Variants in DNLZ observed in about 807,000 individuals in gnomAD.
DNLZ encodes the protein DNL-type zinc finger protein.
A neutral mutation model predicts 7.8 loss-of-function variants in DNLZ; 15 were observed. That is an observed-to-expected ratio of 1.91 (90% CI 1.28 to 2.95). The LOEUF is 2.95. Ranked by LOEUF, DNLZ falls within the 30% of genes most tolerant of loss-of-function variation. The pLI is 0.00. For synonymous variants in DNLZ, 123 were observed against 77.8 expected (o/e 1.58, Z -3.05); for missense variants, 255 against 167.3 (o/e 1.52, Z -2.89).
rs1564364533 is a variant in DNLZ, at chr9:136,363,136, G to GACCCGCA, written c.229-9_229-8insTGCGGGT. 4 of 1,612,730 alleles carry GACCCGCA rather than the reference G, an allele frequency of 2.5e-6. No homozygotes were observed. The highest frequency in any genetic ancestry group is 2.7e-5 in the African/African-American group (2 of 74,924). On this transcript the variant is annotated splice_polypyrimidine_tract_variant and intron_variant, in intron 1 of 2. Transcript: ENST00000371738. ...GGACCTAGTCCCGCAGACCTGGCTG[G>GACCCGCA]GACAGGGTAGCTGGTGAGGCTGTGA...
At chr9:136,363,404 A>G (rs1833021449) in intron 1 of DNLZ, 83 bp downstream of exon 1, 1 of 755,968 alleles carries the variant, frequency 1.3e-6, no homozygotes, top group South Asian at 1.4e-5. Flanking sequence ...CGCCTCCCGG[A>G]TCCCCGGCGG....
Position 136,361,920 on chromosome 9 carries a change from T to C in DNLZ, c.*92A>G. On this transcript the variant is annotated 3_prime_UTR_variant, in exon 3 of 3. Transcript: ENST00000371738. Reference sequence around the variant, plus strand: ...CCAGCATCTGGAAGTAATGTCTGTTTATTGATAGAAAACAGGCCACGTCCA... The same window carrying C: ...CCAGCATCTGGAAGTAATGTCTGTTCATTGATAGAAAACAGGCCACGTCCA... The C allele has an allele frequency of 1.0e-6, 1 of 985,244 alleles. No homozygotes were observed. Among genetic ancestry groups the C allele is most frequent in the Non-Finnish European group, 1.3e-6 (1 of 756,964 alleles). The allele number at this position is 985,244 out of a possible 1,614,324, so 61.0% of individuals were successfully genotyped here.
At chr9:136,362,723 G>A (rs1588716861) in intron 2 of DNLZ, among the ~76,000 whole-genome samples, 1 of 152,266 alleles carries the variant, frequency 6.6e-6, no homozygotes, top group South Asian at 2.1e-4. Context: ...AGTGATGGCA[G>A]AGGGCAGGCA....
At position 136,359,660 on chromosome 9, in the gene DNLZ, T is replaced by C. The variant is rs1042249311; in HGVS notation, c.*2352A>G. 2 of 152,376 alleles carry C rather than the reference T, an allele frequency of 1.3e-5. No homozygotes were observed. The highest frequency in any genetic ancestry group is 4.8e-5 in the African/African-American group (2 of 41,436). 9.4% of individuals were successfully genotyped at this position (152,376 alleles called of 1,614,324 possible). On this transcript the variant is annotated 3_prime_UTR_variant, in exon 3 of 3. Transcript: ENST00000371738. The stretch of plus-strand genomic sequence containing the variant: ...CCTAACCCGGTAAGAGGCTGCACTG[T>C]GCAAAGTGTCCACAGATACCCACTG...
chr9:136,362,933 G>A (rs1479810224), intron 2 of DNLZ, 56 bp downstream of exon 2: 1 of 1,569,470 alleles, frequency 6.4e-7, no homozygotes, highest in South Asian at 1.1e-5. Context: ...TTCCCCCAGG[G>A]AGGCCAGGGT....
chr9:136,362,872 G>C, intron 2 of DNLZ, 117 bp downstream of exon 2: 2 of 886,398 alleles, frequency 2.3e-6, no homozygotes, highest in Non-Finnish European at 3.6e-6. Flanking sequence ...GTATTGATAA[G>C]GTGGCTGGAT....
intron 1 of DNLZ, 156 bp from the exon 2 acceptor site, chr9:136,363,284 C>A: frequency 1.2e-6 from 1 of 817,318 alleles, no homozygotes; most frequent in Non-Finnish European, 1.9e-6. Context: ...TCGCCCTCTC[C>A]CGGGAAGGCC....
Position 136,361,998 on chromosome 9 carries a change from G to C in DNLZ, c.*14C>G. On this transcript the variant is annotated 3_prime_UTR_variant, in exon 3 of 3. Coordinates refer to ENST00000371738, the MANE Select transcript of DNLZ (RefSeq NM_001080849.3). ...TGGAAGGCCGAAGTCCCACAGTGCC[G>C]GGGAGCGCAGGAGTCAGCTCGGCTC... The C allele has an allele frequency of 7.8e-7, 1 of 1,288,108 alleles. No individual in the cohort carries two copies. The highest frequency in any genetic ancestry group is 9.9e-7 in the Non-Finnish European group (1 of 1,009,348). 79.8% of individuals were successfully genotyped at this position (1,288,108 alleles called of 1,614,324 possible). A position where few individuals can be genotyped will look rare whatever the true frequency, so the allele number is the denominator to read the frequency against.
In DNLZ at chr9:136,363,731, G is replaced by A. The variant is rs1207338121; in HGVS notation, c.-17C>T. 7.9e-6 allele frequency: 3 copies of A among 378,422 alleles called. No homozygotes were observed. The highest frequency in any genetic ancestry group is 1.4e-5 in the Non-Finnish European group (3 of 213,158). 23.4% of individuals were successfully genotyped at this position (378,422 alleles called of 1,614,324 possible). ...CCGCAGCATCCCGCTCGCCGGCTCC[G>A]TCCGCCCTGCCCCGGCCCCGCCCCG... On this transcript the variant is annotated 5_prime_UTR_variant, in exon 1 of 3. It adds an upstream start codon to the 5' untranslated region. Coordinates refer to ENST00000371738, the MANE Select transcript of DNLZ (RefSeq NM_001080849.3).
At chr9:136,363,364 G>A (rs1350528857) in intron 1 of DNLZ, 123 bp downstream of exon 1, 4 of 727,506 alleles carry the variant, frequency 5.5e-6, no homozygotes, top group South Asian at 2.9e-5. Flanking sequence ...CCAAGGGGTG[G>A]CTCCACTCCT....
Position 136,363,547 on chromosome 9 carries a change from C to A in DNLZ, c.168G>T (p.Gly56=). ...WRRSSSEQGP[G]PAAALGRVEA... ...CCACGCGCCCCAGAGCCGCCGCGGG[C>A]CCCGGCCCCTGCTCGGAGCTTGAGC... The change falls in exon 1 of 3, where the codon GGG becomes GGT. Residue 56 remains glycine (G), a synonymous_variant. Transcript: ENST00000371738. The A allele has an allele frequency of 2.8e-6, 2 of 723,270 alleles. No homozygotes were observed. The highest frequency in any genetic ancestry group is 5.0e-6 in the Non-Finnish European group (2 of 398,806). 44.8% of individuals were successfully genotyped at this position (723,270 alleles called of 1,614,324 possible).
rs938008520 is a variant in DNLZ at position 136,359,627 on chromosome 9, G to A, written c.*2385C>T. 3 of 152,376 alleles carry A rather than the reference G, an allele frequency of 2.0e-5. No individual in the cohort carries two copies. The highest frequency in any genetic ancestry group is 7.2e-5 in the African/African-American group (3 of 41,444). 9.4% of individuals were successfully genotyped at this position (152,376 alleles called of 1,614,324 possible). On this transcript the variant is annotated 3_prime_UTR_variant, in exon 3 of 3. Transcript: ENST00000371738. ...TGTGGTCCGTATGGGCTTAGTCCCG[G>A]GTGGGGGCCTAACCCGGTAAGAGGC...
rs1832975687 is a variant in DNLZ at position 136,361,246 on chromosome 9, C to G, written c.*766G>C. On this transcript the variant is annotated 3_prime_UTR_variant, in exon 3 of 3. Transcript: ENST00000371738. ...CCACCTCGCCCCATTCTCTTCCCTGCCGGAGTGTGGCGGGTGATGAATGCT... is the reference window on the plus strand; with the variant it reads ...CCACCTCGCCCCATTCTCTTCCCTGGCGGAGTGTGGCGGGTGATGAATGCT... 1 of 152,306 alleles carries G rather than the reference C, an allele frequency of 6.6e-6. No homozygotes were observed. The highest frequency in any genetic ancestry group is 2.4e-5 in the African/African-American group (1 of 41,454). The allele number at this position is 152,306 out of a possible 1,614,324, so 9.4% of individuals were successfully genotyped here. A position where few individuals can be genotyped will look rare whatever the true frequency, so the allele number is the denominator to read the frequency against.
In DNLZ at chr9:136,361,978, G is replaced by A; in HGVS notation, c.*34C>T. ...CCAGGGCCAAAACCTCCTTCTGGAAGGCCGAAGTCCCACAGTGCCGGGGAG... is the reference window on the plus strand; with the variant it reads ...CCAGGGCCAAAACCTCCTTCTGGAAAGCCGAAGTCCCACAGTGCCGGGGAG... On this transcript the variant is annotated 3_prime_UTR_variant, in exon 3 of 3. Transcript: ENST00000371738. 3 of 1,264,194 alleles carry A rather than the reference G, an allele frequency of 2.4e-6. No individual in the cohort carries two copies. The highest frequency in any genetic ancestry group is 2.0e-6 in the Non-Finnish European group (2 of 997,644). 78.3% of individuals were successfully genotyped at this position (1,264,194 alleles called of 1,614,324 possible).
At chr9:136,362,297 G>A in intron 2 of DNLZ, 117 bp from the exon 3 acceptor site, 1 of 941,574 alleles carries the variant, frequency 1.1e-6, no homozygotes, top group Non-Finnish European at 1.4e-6. Flanking sequence ...CAGCACTCCT[G>A]TGGCATCAGG....
chr9:136,362,214 GC>G (rs746925949), intron 2 of DNLZ, 34 bp from the exon 3 acceptor site: 19 of 1,450,446 alleles, frequency 1.3e-5, no homozygotes, highest in African/African-American at 1.5e-5. Flanking sequence ...GCTCTTCAGG[GC>G]CCCCCAGCCG....
chr9:136,362,873 G>T (rs1027002214), intron 2 of DNLZ, 116 bp downstream of exon 2: 3 of 893,654 alleles, frequency 3.4e-6, no homozygotes, highest in African/African-American at 3.3e-5. Context: ...TATTGATAAG[G>T]TGGCTGGATT....
chr9:136,362,406 C>G (rs936303033), intron 2 of DNLZ, among the ~76,000 whole-genome samples: 1 of 152,358 alleles, frequency 6.6e-6, no homozygotes, highest in African/African-American at 2.4e-5. Context: ...GCTCCTGCCC[C>G]CTATGTGCCA....
At chr9:136,362,828 C>G (rs780530191) in intron 2 of DNLZ, among the ~76,000 whole-genome samples, 161 bp downstream of exon 2, 2 of 152,220 alleles carry the variant, frequency 1.3e-5, no homozygotes, top group Non-Finnish European at 2.9e-5. Context: ...GCTATCTGGG[C>G]TTTATAGGAA....
Sources: gnomAD v4.1 joint callset for allele counts (sites outside exome capture counted in the v4.1 genomes callset) on GRCh38, gnomAD v4.1.1 for gene constraint, MANE v1.5 for transcripts, NCBI Gene and HGNC (gene_info 2026-07-23, HGNC 2026-07-21) for gene names.